Variants in MRC1 observed in about 807,000 individuals in gnomAD.
The protein encoded by MRC1 is macrophage mannose receptor 1.
A neutral mutation model predicts 102.9 loss-of-function variants in MRC1; 62 were observed. The ratio of observed to expected loss-of-function variants is 0.60; its 90% confidence interval spans 0.49 to 0.74. The LOEUF (loss-of-function observed/expected upper bound fraction) is 0.74, where lower values mean the gene tolerates loss of function less well. MRC1 is among the 30% of genes least tolerant of loss of function. The pLI is 0.00. For missense variants in MRC1, 1,237 were observed against 862.8 expected (o/e 1.43, Z -5.43); for synonymous variants, 457 against 298.4 (o/e 1.53, Z -5.48).
intron 2 of MRC1, 109 bp from the exon 3 acceptor site, chr10:17,827,433 A>G (rs1838497503): frequency 1.6e-6 from 1 of 640,332 alleles, no homozygotes; most frequent in Non-Finnish European, 3.0e-6. Context: ...TGGGTGCATC[A>G]AGTGTAATCA....
At chr10:17,840,494 C>T (rs944744220) in intron 4 of MRC1, among the ~76,000 whole-genome samples, 199 bp from the exon 5 acceptor site, 2 of 152,118 alleles carry the variant, frequency 1.3e-5, no homozygotes, top group Non-Finnish European at 2.9e-5. Flanking sequence ...CCTCTGCCTC[C>T]GTTTCCCCAC....
chr10:17,904,778 C>T (rs1235951855), intron 26 of MRC1, among the ~76,000 whole-genome samples: 4 of 152,220 alleles, frequency 2.6e-5, no homozygotes, highest in Non-Finnish European at 5.9e-5. Context: ...AGGTCTTTCT[C>T]AGACATGCAC....
chr10:17,905,868 G>A (rs1238036569), intron 26 of MRC1, among the ~76,000 whole-genome samples: 2 of 151,932 alleles, frequency 1.3e-5, no homozygotes, highest in African/African-American at 4.8e-5. Flanking sequence ...TATAAAATGG[G>A]GCAAAGATGG....
intron 21 of MRC1, among the ~76,000 whole-genome samples, chr10:17,882,480 T>C (rs1416700756): frequency 6.6e-6 from 1 of 152,078 alleles, no homozygotes; most frequent in African/African-American, 2.4e-5. Context: ...AGGAGACATA[T>C]GGACTGAATG....
chr10:17,838,782 T>C (rs1388992782), intron 4 of MRC1, among the ~76,000 whole-genome samples: 1 of 152,164 alleles, frequency 6.6e-6, no homozygotes, highest in Non-Finnish European at 1.5e-5. Flanking sequence ...GAGATCAGCC[T>C]GGGCACTACA....
intron 1 of MRC1, among the ~76,000 whole-genome samples, chr10:17,813,300 A>T (rs901948445): frequency 6.6e-6 from 1 of 152,186 alleles, no homozygotes; most frequent in African/African-American, 2.4e-5. Context: ...AAGGGATCCA[A>T]CTGTGGTTCT....
chr10:17,817,182 G>A (rs1233081429), intron 1 of MRC1, among the ~76,000 whole-genome samples: 7 of 151,002 alleles, frequency 4.6e-5, no homozygotes, highest in Non-Finnish European at 1.0e-4. Context: ...CCTGGGAGGC[G>A]GAGGTTGCAA....
intron 3 of MRC1, among the ~76,000 whole-genome samples, chr10:17,832,554 C>CAAACA (rs1247022856): frequency 6.7e-6 from 1 of 148,200 alleles, no homozygotes; most frequent in Non-Finnish European, 1.5e-5. Flanking sequence ...GACTCTGTCT[C>CAAACA]AAACAAAACA....
chr10:17,895,498 T>C (rs1212142454), intron 23 of MRC1, among the ~76,000 whole-genome samples: 2 of 152,170 alleles, frequency 1.3e-5, no homozygotes, highest in Non-Finnish European at 2.9e-5. Flanking sequence ...ATTCATGTAA[T>C]TTAAGAACTT....
At chr10:17,905,750 G>A (rs1256685973) in intron 26 of MRC1, among the ~76,000 whole-genome samples, 1 of 152,128 alleles carries the variant, frequency 6.6e-6, no homozygotes, top group Non-Finnish European at 1.5e-5. Context: ...CATATGGTTA[G>A]GTACGGACCC....
chr10:17,894,813 C>T (rs1833733066), intron 23 of MRC1, among the ~76,000 whole-genome samples: 1 of 152,122 alleles, frequency 6.6e-6, no homozygotes, highest in East Asian at 1.9e-4. Context: ...ATCAACCTAT[C>T]ACCTAGCCCC....
intron 26 of MRC1, among the ~76,000 whole-genome samples, chr10:17,906,067 G>A (rs1833890875): frequency 6.6e-6 from 1 of 152,044 alleles, no homozygotes; most frequent in South Asian, 2.1e-4. Flanking sequence ...TGGTCTTTCT[G>A]TTTTATTTCC....
chr10:17,872,266 A>T (rs1833364824), intron 15 of MRC1, 140 bp downstream of exon 15: 1 of 757,766 alleles, frequency 1.3e-6, no homozygotes, highest in African/African-American at 1.7e-5. Context: ...TGCATAGGAT[A>T]AGCATGAAGT....
At chr10:17,809,949 G>A (rs1459053385) in intron 1 of MRC1, among the ~76,000 whole-genome samples, 1 of 152,134 alleles carries the variant, frequency 6.6e-6, no homozygotes, top group African/African-American at 2.4e-5. Flanking sequence ...CAGCCCTGAT[G>A]TCTCCCCGCG....
chr10:17,907,468 G>T (rs1482454270), intron 27 of MRC1, 66 bp from the exon 28 acceptor site: 3 of 778,338 alleles, frequency 3.9e-6, no homozygotes, highest in Non-Finnish European at 7.2e-6. Context: ...CACATAAATT[G>T]GCTGAACTTA....
At chr10:17,819,130 T>G (rs1201316255) in intron 1 of MRC1, among the ~76,000 whole-genome samples, 6 of 152,086 alleles carry the variant, frequency 3.9e-5, no homozygotes, top group Non-Finnish European at 8.8e-5. Flanking sequence ...AATTTTACTA[T>G]TGAGTGAACA....
chr10:17,893,807 T>G (rs1015814083), intron 22 of MRC1, among the ~76,000 whole-genome samples: 48 of 152,368 alleles, frequency 3.2e-4, no homozygotes, highest in Admixed American at 2.5e-3. Flanking sequence ...CAATGAAATA[T>G]ATAGATCATG....
At chr10:17,904,958 G>T (rs1462106242) in intron 26 of MRC1, among the ~76,000 whole-genome samples, 1 of 152,128 alleles carries the variant, frequency 6.6e-6, no homozygotes, top group East Asian at 1.9e-4. Context: ...GCCTTAGATG[G>T]TTACAATGTT....
chr10:17,820,789 A>G (rs1255166543), intron 1 of MRC1, among the ~76,000 whole-genome samples: 1 of 152,208 alleles, frequency 6.6e-6, no homozygotes, highest in Non-Finnish European at 1.5e-5. Flanking sequence ...TTCAGAGTTC[A>G]TTACATTTTG....
Sources: allele counts gnomAD v4.1 joint callset (sites outside exome capture counted in the v4.1 genomes callset), GRCh38; gene constraint gnomAD v4.1.1; transcripts MANE v1.5; gene names NCBI Gene and HGNC (gene_info 2026-07-23, HGNC 2026-07-21).